Variants in LLGL2 observed in about 807,000 individuals in gnomAD.
LLGL2 encodes the protein LLGL2, scribble cell polarity complex component.
In LLGL2, 81 loss-of-function variants were observed where a neutral mutation model predicts 123.2. The observed-to-expected ratio is 0.66, with a 90% CI of 0.55 to 0.79. The LOEUF is 0.79. LLGL2 is among the 30% of genes least tolerant of loss of function. The pLI, the probability that LLGL2 is intolerant of heterozygous loss-of-function variation, is 0.00. For synonymous variants in LLGL2, 577 were observed against 594.1 expected, an observed-to-expected ratio of 0.97 and a Z score of 0.42; for missense variants, 1,273 against 1,414.6, an observed-to-expected ratio of 0.90 and a Z score of 1.61.
chr17:75,531,825 A>T (rs2053798420), intron 1 of LLGL2, among the ~76,000 whole-genome samples: 1 of 152,068 alleles, frequency 6.6e-6, no homozygotes, highest in Non-Finnish European at 1.5e-5. Flanking sequence ...CTGGCTTTGA[A>T]TACTCACCCC....
rs113078415 is a variant in LLGL2, at chr17:75,551,714, C to T, written c.76-4332C>T. On this transcript the variant is annotated intron_variant, in intron 2 of 25. Transcript: ENST00000392550. ...ACAGGCTGTTTTCTCTGTGGCCTGA[C>T]GTTCCTGCTGGTGTGCGGAATTGTC... 8.5e-5 allele frequency among the ~76,000 whole-genome samples: 13 copies of T among 152,248 alleles called. No individual in the cohort carries two copies. The East Asian group carries it at 9.6e-4, about 11-fold the overall frequency.
intron 2 of LLGL2, among the ~76,000 whole-genome samples, chr17:75,550,289 C>T (rs1182128971): frequency 1.3e-5 from 2 of 152,160 alleles, no homozygotes; most frequent in Non-Finnish European, 2.9e-5. Context: ...GCCCAACCTC[C>T]TGTGCTCAGG....
In LLGL2 at chr17:75,569,298, C is replaced by T. The variant is rs760016458; in HGVS notation, c.1554C>T (p.Tyr518=). 6.2e-7 allele frequency: 1 copy of T among 1,613,344 alleles called. No individual in the cohort carries two copies. The change falls in exon 14 of 26, where the codon TAC becomes TAT. Residue 518 remains tyrosine (Y), a synonymous_variant. Transcript: ENST00000392550. ...TCTTCCTCTGCAAGTACAGCGGCTA[C>T]CTGGCTGTGGCAGGCACGGCAGGGC... ...QKIFLCKYSG[Y]LAVAGTAGQV...
At chr17:75,572,203 G>C (rs1373064896) in intron 19 of LLGL2, 139 bp downstream of exon 19, 1 of 867,008 alleles carries the variant, frequency 1.2e-6, no homozygotes, top group East Asian at 2.7e-5. Flanking sequence ...CAGGAAATAA[G>C]TGAGGGGGGA....
intron 21 of LLGL2, 90 bp from the exon 22 acceptor site, chr17:75,573,862 C>T (rs1598644853): frequency 1.3e-5 from 19 of 1,444,740 alleles, no homozygotes; most frequent in Admixed American, 5.9e-5. Context: ...GGACAGGCTG[C>T]GCCATTGACT....
Position 75,570,516 on chromosome 17 carries a change from G to A in LLGL2, c.2025+18G>A, listed in dbSNP as rs558866727. The A allele has an allele frequency of 2.1e-5, 32 of 1,555,892 alleles. No individual in the cohort carries two copies. In the Admixed American group the frequency reaches 3.1e-4, roughly 15 times the overall value. On this transcript the variant is annotated intron_variant, in intron 16 of 25. Transcript: ENST00000392550. The stretch of plus-strand genomic sequence containing the variant: ...CAGGAGAGGTGAGGCCTGAGGTGAG[G>A]CTGCGGCCGGCCACGCACCCAGGTT...
chr17:75,563,214 G>T (rs1317576400), intron 7 of LLGL2, 36 bp downstream of exon 7: 1 of 1,610,492 alleles, frequency 6.2e-7, no homozygotes, highest in Non-Finnish European at 8.5e-7. Flanking sequence ...GCGCCATGTT[G>T]CTCTCCCAGG....
chr17:75,575,181 GTT>G lies in LLGL2; in HGVS notation c.*307_*308del, dbSNP rs1167041902. ...ATGTTAACTGCCTCTGGGTGAAAAA[GTT>G]TTTAATAAACACCTATTACCTCTTG... On this transcript the variant is annotated 3_prime_UTR_variant, in exon 26 of 26. Transcript: ENST00000392550. 3.7e-6 allele frequency: 2 copies of G among 547,854 alleles called. No homozygotes were observed. The highest frequency in any genetic ancestry group is 6.5e-6 in the Non-Finnish European group (2 of 306,546). The allele number at this position is 547,854 out of a possible 1,614,324, so 33.9% of individuals were successfully genotyped here.
At chr17:75,560,927 G>A (rs2055191221) in intron 6 of LLGL2, among the ~76,000 whole-genome samples, 1 of 151,738 alleles carries the variant, frequency 6.6e-6, no homozygotes, top group Admixed American at 6.6e-5. Flanking sequence ...TGCTTCCTGG[G>A]TTCAAGTGAT....
intron 25 of LLGL2, 30 bp from the exon 26 acceptor site, chr17:75,574,841 G>T: frequency 6.2e-7 from 1 of 1,613,828 alleles, no homozygotes; most frequent in South Asian, 1.1e-5. Context: ...TGCCCAGGGT[G>T]ATCTTGAGCT....
intron 16 of LLGL2, 104 bp downstream of exon 16, chr17:75,570,602 C>T: frequency 7.3e-7 from 1 of 1,377,400 alleles, no homozygotes; most frequent in East Asian, 2.5e-5. Flanking sequence ...TGCTAGGCTA[C>T]AAACAAGATT....
intron 3 of LLGL2, 63 bp downstream of exon 3, chr17:75,556,206 G>A: frequency 2.3e-6 from 3 of 1,309,518 alleles, no homozygotes; most frequent in South Asian, 1.2e-5. Context: ...TTTGGGGAGG[G>A]ACATCTTTTC....
Position 75,564,655 on chromosome 17 carries a change from G to T in LLGL2, c.1036+148G>T. 7.4e-7 allele frequency: 1 copy of T among 1,350,822 alleles called. No homozygotes were observed. The highest frequency in any genetic ancestry group is 1.5e-5 in the South Asian group (1 of 66,670). 83.7% of individuals were successfully genotyped at this position (1,350,822 alleles called of 1,614,324 possible). A position where few individuals can be genotyped will look rare whatever the true frequency, so the allele number is the denominator to read the frequency against. ...AGGTGGTAGGATCGCTTGAACCCAG[G>T]AGTTCAAGTCCAGCCTGGACAACGT... On this transcript the variant is annotated intron_variant, in intron 10 of 25. Transcript: ENST00000392550. This position sits in a 1 kb window ranked among gnomAD's most constrained non-coding sequence, Gnocchi z 4.9.
At position 75,568,509 on chromosome 17, in the gene LLGL2, C is replaced by T. The variant is rs1359939821; in HGVS notation, c.1070C>T (p.Ala357Val). ...FDDPYALVVL[A>V]EEELVVIDLQ... is the part of the protein sequence containing the mutation. ...GACCCCTATGCCCTGGTGGTGCTGGCTGAGGAGGAGCTGGTGGTGATTGAC... is the reference window on the plus strand; with the variant it reads ...GACCCCTATGCCCTGGTGGTGCTGGTTGAGGAGGAGCTGGTGGTGATTGAC... The change falls in exon 11 of 26, where the codon GCT becomes GTT. Residue 357 changes from alanine to valine, a missense_variant. Transcript: ENST00000392550. 1.2e-6 allele frequency: 2 copies of T among 1,613,382 alleles called. No homozygotes were observed. Among genetic ancestry groups the T allele is most frequent in the African/African-American group, 1.3e-5 (1 of 75,012 alleles).
In LLGL2 at chr17:75,558,903, C is replaced by T. The variant is rs1344283743; in HGVS notation, c.371+276C>T. On this transcript the variant is annotated intron_variant, in intron 5 of 25. Coordinates refer to ENST00000392550, the MANE Select transcript of LLGL2 (RefSeq NM_001031803.2). This position sits in a 1 kb window ranked among gnomAD's most constrained non-coding sequence, Gnocchi z 4.0. ...CGCACCCCACCTCCTCCATCCACAC[C>T]ACGCCTCCTCCATCCGCACCCCACC... 6.7e-4 allele frequency: 177 copies of T among 265,054 alleles called. 1 individual carries two copies. The highest frequency in any genetic ancestry group is 1.1e-3 in the Middle Eastern group (1 of 894). The allele number at this position is 265,054 out of a possible 1,614,324, so 16.4% of individuals were successfully genotyped here.
At chr17:75,557,826 C>T in intron 3 of LLGL2, 1 of 393,450 alleles carries the variant, frequency 2.5e-6, no homozygotes, top group Non-Finnish European at 4.9e-6. Context: ...CAGGTGCTAC[C>T]AAGCGACAGC....
In LLGL2 at chr17:75,558,538, C is replaced by T. The variant is rs1383858422; in HGVS notation, c.282C>T (p.Asp94=). Residue 94 remains aspartate, a synonymous_variant, in exon 5 of 26, where the codon GAC becomes GAT. Coordinates refer to ENST00000392550, the MANE Select transcript of LLGL2 (RefSeq NM_001031803.2). This position sits in a 1 kb window ranked among gnomAD's most constrained non-coding sequence, Gnocchi z 4.0. Reference sequence around the variant, plus strand: ...GCCAGCTGGTCACCCTGCTGGATGACAACAGCCTGCACCTTTGGAGCCTGA... The same window carrying T: ...GCCAGCTGGTCACCCTGCTGGATGATAACAGCCTGCACCTTTGGAGCCTGA... ...GQCQLVTLLD[D]NSLHLWSLKV... The T allele has an allele frequency of 3.1e-6, 5 of 1,607,554 alleles. No individual in the cohort carries two copies. Among genetic ancestry groups the T allele is most frequent in the Non-Finnish European group, 4.2e-6 (5 of 1,177,286 alleles).
In LLGL2 at chr17:75,540,218, C is replaced by T. The variant is rs572710171; in HGVS notation, c.-30-3179C>T. Among the ~76,000 whole-genome samples, 222 of 152,310 alleles carry T rather than the reference C, an allele frequency of 1.5e-3. 1 individual carries two copies. Among genetic ancestry groups the T allele is most frequent in the South Asian group, 0.012 (58 of 4,826 alleles). ...GTAGGCAGGATCTGTTCATACCAGG[C>T]GTCTCTAGGCCTGGCTTCCTGAAGT... is the stretch of plus-strand genomic sequence containing the variant. On this transcript the variant is annotated intron_variant, in intron 1 of 25. Transcript: ENST00000392550.
chr17:75,567,966 G>A (rs78407425), intron 10 of LLGL2: 2 of 618,026 alleles, frequency 3.2e-6, no homozygotes. Context: ...AAAAAAAAAA[G>A]ACAAATGGTT....
Sources: gnomAD v4.1 joint callset for allele counts (sites outside exome capture counted in the v4.1 genomes callset) on GRCh38, gnomAD v4.1.1 for gene constraint, Gnocchi (gnomAD v3.1) non-coding constraint, MANE v1.5 for transcripts, NCBI Gene and HGNC (gene_info 2026-07-23, HGNC 2026-07-21) for gene names.